RSRC1: variants seen among roughly 807,000 people sequenced by gnomAD.
RSRC1 encodes the protein arginine and serine rich coiled-coil 1.
Under a neutral mutation model 49.1 loss-of-function variants are expected in RSRC1, and 39 were observed. That is an observed-to-expected ratio of 0.79 (90% CI 0.61 to 1.04). The LOEUF is 1.04. RSRC1 is among the 50% of genes least tolerant of loss of function. The probability of loss-of-function intolerance (pLI) is 0.00; values close to 1 mark genes in which losing one functional copy is unlikely to be tolerated. For missense variants in RSRC1, 388 were observed against 402.4 expected (o/e 0.96, Z 0.31); for synonymous variants, 143 against 130.8 (o/e 1.09, Z -0.63).
chr3:158,289,799 T>G (rs1215292664), intron 4 of RSRC1, among the ~76,000 whole-genome samples: 2 of 152,148 alleles, frequency 1.3e-5, no homozygotes, highest in African/African-American at 4.8e-5. Flanking sequence ...AAATAGAAAT[T>G]ATTTTTGCTT....
At chr3:158,457,233 A>T (rs1737376066) in intron 6 of RSRC1, among the ~76,000 whole-genome samples, 1 of 152,180 alleles carries the variant, frequency 6.6e-6, no homozygotes, top group Non-Finnish European at 1.5e-5. Context: ...TGGCAATGAA[A>T]TGGAAAGGAA....
chr3:158,472,862 C>T (rs1343406962), intron 7 of RSRC1, among the ~76,000 whole-genome samples: 1 of 152,174 alleles, frequency 6.6e-6, no homozygotes, highest in Admixed American at 6.5e-5. Context: ...TCCCATTTGT[C>T]AATTTTGGTT....
chr3:158,161,692 G>T (rs1483441704), intron 3 of RSRC1, among the ~76,000 whole-genome samples: 1 of 152,166 alleles, frequency 6.6e-6, no homozygotes, highest in Admixed American at 6.5e-5. Context: ...AACCTGGGAG[G>T]CAGAGGTTAT....
intron 5 of RSRC1, among the ~76,000 whole-genome samples, chr3:158,348,147 CT>C (rs1356597550): frequency 6.6e-6 from 1 of 152,138 alleles, no homozygotes; most frequent in African/African-American, 2.4e-5. Context: ...TTGTTTCAGA[CT>C]TTCTACTTTT....
intron 7 of RSRC1, among the ~76,000 whole-genome samples, chr3:158,521,883 T>A (rs1711695202): frequency 6.6e-6 from 1 of 152,154 alleles, no homozygotes; most frequent in Non-Finnish European, 1.5e-5. Flanking sequence ...ATGCTATGCT[T>A]CCTATATCTG....
At chr3:158,131,384 T>C (rs1716015089) in intron 3 of RSRC1, among the ~76,000 whole-genome samples, 1 of 152,112 alleles carries the variant, frequency 6.6e-6, no homozygotes, top group Non-Finnish European at 1.5e-5. Context: ...TTGTCACTTA[T>C]CTCTTGATTT....
At position 158,208,257 on chromosome 3, in the gene RSRC1, T is replaced by C. The variant is rs541812237; in HGVS notation, c.494+5012T>C. Among the ~76,000 whole-genome samples the C allele has an allele frequency of 1.8e-4, 27 of 152,312 alleles. 1 individual carries two copies. In the South Asian group the frequency reaches 5.6e-3, roughly 32 times the overall value. ...CCCCCAAATTTTAAAAATAAATATT[T>C]CTTATCTTTAGAAAATTTCATTTTT... On this transcript the variant is annotated intron_variant, in intron 4 of 9. Coordinates refer to ENST00000611884, the MANE Select transcript of RSRC1 (RefSeq NM_001271838.2).
At chr3:158,345,836 TAAAC>T (rs974130797) in intron 5 of RSRC1, among the ~76,000 whole-genome samples, 16 of 148,058 alleles carry the variant, frequency 1.1e-4, no homozygotes, top group African/African-American at 1.7e-4. Context: ...TATATAATAA[TAAAC>T]AATAATATAT....
intron 6 of RSRC1, among the ~76,000 whole-genome samples, chr3:158,390,144 T>C (rs1386967424): frequency 1.3e-5 from 2 of 152,206 alleles, no homozygotes; most frequent in Non-Finnish European, 2.9e-5. Flanking sequence ...TTTGAACTCC[T>C]TTCATGAGGT....
At chr3:158,439,636 G>T (rs992822695) in intron 6 of RSRC1, among the ~76,000 whole-genome samples, 4 of 152,012 alleles carry the variant, frequency 2.6e-5, no homozygotes, top group African/African-American at 9.7e-5. Context: ...GACACAGGAC[G>T]GGGAACATCA....
intron 4 of RSRC1, among the ~76,000 whole-genome samples, chr3:158,208,957 G>C (rs1271546533): frequency 6.6e-6 from 1 of 152,018 alleles, no homozygotes; most frequent in African/African-American, 2.4e-5. Context: ...TAGTTGACTG[G>C]TATAAAACCT....
intron 6 of RSRC1, among the ~76,000 whole-genome samples, chr3:158,425,203 T>C (rs1260650623): frequency 6.6e-6 from 1 of 152,142 alleles, no homozygotes; most frequent in Non-Finnish European, 1.5e-5. Flanking sequence ...TCCTGCTTTG[T>C]CTTGTGGGCA....
At chr3:158,373,970 T>C (rs980760256) in intron 6 of RSRC1, among the ~76,000 whole-genome samples, 32 of 152,208 alleles carry the variant, frequency 2.1e-4, no homozygotes, top group African/African-American at 7.5e-4. Flanking sequence ...AGCAGCACTT[T>C]GCTTTATTGT....
At chr3:158,268,123 C>G (rs1032486154) in intron 4 of RSRC1, among the ~76,000 whole-genome samples, 1 of 152,042 alleles carries the variant, frequency 6.6e-6, no homozygotes, top group Non-Finnish European at 1.5e-5. Context: ...AGAGATAGAG[C>G]TCACTCTGTC....
At chr3:158,152,313 G>A (rs760932958) in intron 3 of RSRC1, among the ~76,000 whole-genome samples, 4 of 152,024 alleles carry the variant, frequency 2.6e-5, no homozygotes, top group African/African-American at 4.8e-5. Context: ...TTGGCTTGCC[G>A]GGGACTTTGT....
At chr3:158,124,250 C>T (rs992838643) in intron 3 of RSRC1, among the ~76,000 whole-genome samples, 3 of 152,050 alleles carry the variant, frequency 2.0e-5, no homozygotes, top group African/African-American at 7.2e-5. Flanking sequence ...TTCTCATTGT[C>T]CAGTAGGCTA....
At chr3:158,396,136 C>G (rs879733167) in intron 6 of RSRC1, among the ~76,000 whole-genome samples, 1 of 151,912 alleles carries the variant, frequency 6.6e-6, no homozygotes, top group African/African-American at 2.4e-5. Flanking sequence ...CTAAACATTG[C>G]GAACACATGG....
chr3:158,348,048 G>T (rs1406244991), intron 5 of RSRC1, among the ~76,000 whole-genome samples: 2 of 152,000 alleles, frequency 1.3e-5, no homozygotes, highest in Non-Finnish European at 2.9e-5. Context: ...AATTTTCTTT[G>T]TTACCCTATC....
chr3:158,197,025 T>G (rs1720667060), intron 3 of RSRC1, among the ~76,000 whole-genome samples: 1 of 152,232 alleles, frequency 6.6e-6, no homozygotes. Context: ...TAAAACGAGT[T>G]AGGGATGATT....
Sources: gnomAD v4.1 joint callset for allele counts (sites outside exome capture counted in the v4.1 genomes callset) on GRCh38, gnomAD v4.1.1 for gene constraint, MANE v1.5 for transcripts, NCBI Gene and HGNC (gene_info 2026-07-23, HGNC 2026-07-21) for gene names.